Variants in CAPN7 observed in about 807,000 individuals in gnomAD.
The protein encoded by CAPN7 is calpain 7.
CAPN7 carries 72 observed loss-of-function variants against 115.2 expected under a neutral mutation model. The observed-to-expected ratio is 0.63, with a 90% CI of 0.52 to 0.76. CAPN7 has a LOEUF of 0.76. CAPN7 is among the 30% of genes least tolerant of loss of function. CAPN7 has a pLI of 0.00. For synonymous variants in CAPN7, 344 were observed against 322.3 expected (o/e 1.07, Z -0.72); for missense variants, 905 against 971.5 (o/e 0.93, Z 0.91).
chr3:15,210,262 T>TA (rs1222396512), intron 1 of CAPN7, among the ~76,000 whole-genome samples: 8 of 151,486 alleles, frequency 5.3e-5, no homozygotes, highest in East Asian at 1.9e-4. Context: ...GACTCCTAAG[T>TA]AAAAAAAATA....
intron 6 of CAPN7, among the ~76,000 whole-genome samples, chr3:15,225,900 A>G (rs1694284260): frequency 1.3e-5 from 2 of 152,144 alleles, no homozygotes. Context: ...CAATCAGAAG[A>G]AAAAGCAACA....
chr3:15,246,874 GT>G, intron 18 of CAPN7, 80 bp downstream of exon 18: 1 of 1,136,282 alleles, frequency 8.8e-7, no homozygotes, highest in Non-Finnish European at 1.3e-6. Flanking sequence ...TCATTTTATT[GT>G]TTATATTTAG....
chr3:15,241,565 C>G lies in CAPN7; in HGVS notation c.1765C>G (p.Leu589Val). The stretch of plus-strand genomic sequence containing the variant: ...GGGGGGTGCTGCAGTTTGGGTTTTG[C>G]TTAGTAGACACATAACAGACAAGGT... The part of the protein sequence containing the change: ...PQGGAAVWVL[L>V]SRHITDKDDF... Residue 589 changes from leucine to valine, a missense_variant, in exon 15 of 21, where the codon CTT becomes GTT. Leu to Val is a conservative substitution (Grantham distance 32). This residue lies in a region of CAPN7 where 620 missense variants were observed against 703.4 expected (regional missense o/e 0.88). Transcript: ENST00000253693. 2 of 1,613,998 alleles carry G rather than the reference C, an allele frequency of 1.2e-6. No homozygotes were observed. The highest frequency in any genetic ancestry group is 1.7e-6 in the Non-Finnish European group (2 of 1,179,964).
intron 19 of CAPN7, 121 bp from the exon 20 acceptor site, chr3:15,250,810 G>T: frequency 1.5e-6 from 1 of 687,812 alleles, no homozygotes; most frequent in Non-Finnish European, 2.5e-6. Context: ...GAGTGTGTAT[G>T]TTTCTACTGA....
In CAPN7 at chr3:15,246,721, T is replaced by A. The variant is rs1695686170; in HGVS notation, c.2011-11T>A. On this transcript the variant is annotated splice_polypyrimidine_tract_variant and intron_variant, in intron 17 of 20. Coordinates refer to ENST00000253693, the MANE Select transcript of CAPN7 (RefSeq NM_014296.3). ...GTAAAATTTATCAATACAGTCTTTTTTTAAATCTAGGTATATTCAGCATGC... is the reference window on the plus strand; with the variant it reads ...GTAAAATTTATCAATACAGTCTTTTATTAAATCTAGGTATATTCAGCATGC... 1 of 1,574,426 alleles carries A rather than the reference T, an allele frequency of 6.4e-7. No homozygotes were observed. Among genetic ancestry groups the A allele is most frequent in the Non-Finnish European group, 8.7e-7 (1 of 1,145,904 alleles).
intron 12 of CAPN7, among the ~76,000 whole-genome samples, chr3:15,236,446 A>G (rs1559404609): frequency 2.0e-5 from 3 of 152,376 alleles, no homozygotes; most frequent in South Asian, 4.1e-4. Flanking sequence ...AGGACCCTTG[A>G]TAACAGAACG....
intron 16 of CAPN7, among the ~76,000 whole-genome samples, 183 bp from the exon 17 acceptor site, chr3:15,245,339 TTTTG>T (rs1430349047): frequency 6.6e-6 from 1 of 151,964 alleles, no homozygotes; most frequent in Non-Finnish European, 1.5e-5. Context: ...AAAAGATTAT[TTTTG>T]TTTATTAGGA....
chr3:15,250,686 A>G (rs1695954742), intron 19 of CAPN7, among the ~76,000 whole-genome samples: 1 of 152,118 alleles, frequency 6.6e-6, no homozygotes, highest in Non-Finnish European at 1.5e-5. Context: ...AAAATAAAAT[A>G]TTTCCCGGGG....
At chr3:15,245,752 G>T in intron 17 of CAPN7, 81 bp downstream of exon 17, 1 of 1,162,786 alleles carries the variant, frequency 8.6e-7, no homozygotes, top group African/African-American at 1.6e-5. Flanking sequence ...GGTATTATCT[G>T]GAGAAAAAGT....
chr3:15,214,071 A>G (rs762744124), intron 2 of CAPN7, among the ~76,000 whole-genome samples: 47 of 152,002 alleles, frequency 3.1e-4, no homozygotes, highest in Non-Finnish European at 4.7e-4. Flanking sequence ...TAGTAGAGAC[A>G]GGATTTCACC....
Position 15,246,720 on chromosome 3 carries a change from T to C in CAPN7, c.2011-12T>C, listed in dbSNP as rs1695685979. The C allele has an allele frequency of 1.9e-6, 3 of 1,571,748 alleles. No individual in the cohort carries two copies. The highest frequency in any genetic ancestry group is 2.6e-6 in the Non-Finnish European group (3 of 1,143,564). The stretch of plus-strand genomic sequence containing the variant: ...TGTAAAATTTATCAATACAGTCTTT[T>C]TTTAAATCTAGGTATATTCAGCATG... On this transcript the variant is annotated splice_polypyrimidine_tract_variant and intron_variant, in intron 17 of 20. Coordinates refer to ENST00000253693, the MANE Select transcript of CAPN7 (RefSeq NM_014296.3).
In CAPN7 at chr3:15,235,066, T is replaced by G. The variant is rs1266835867; in HGVS notation, c.1328T>G (p.Met443Arg). 6.2e-7 allele frequency: 1 copy of G among 1,613,528 alleles called. No individual in the cohort carries two copies. Residue 443 changes from methionine (M) to arginine (R), a missense_variant, in exon 12 of 21, where the codon ATG (methionine) becomes AGG (arginine). Around this residue, in one of 3 missense-constraint regions of CAPN7, gnomAD observed 620 missense variants for 703.4 expected, o/e 0.88. Coordinates refer to ENST00000253693, the MANE Select transcript of CAPN7 (RefSeq NM_014296.3). ...GTCCTCATCACTGCGTCAACTGGAA[T>G]GATGACAGAAGCTGAAGGAGAGAAG... Reference protein sequence around the residue: ...GDVLITASTGMMTEAEGEKWG... With the variant: ...GDVLITASTGRMTEAEGEKWG...
chr3:15,212,287 C>T, intron 2 of CAPN7, 75 bp downstream of exon 2: 1 of 763,696 alleles, frequency 1.3e-6, no homozygotes, highest in South Asian at 2.0e-5. Context: ...ATGTTTGTTT[C>T]TCTTCTTCAT....
intron 18 of CAPN7, 121 bp from the exon 19 acceptor site, chr3:15,247,206 G>T: frequency 1.4e-6 from 1 of 691,656 alleles, no homozygotes; most frequent in Non-Finnish European, 2.3e-6. Flanking sequence ...ATGGGAGAGA[G>T]GGGTTGGAGA....
At chr3:15,211,699 A>T (rs1239609565) in intron 1 of CAPN7, among the ~76,000 whole-genome samples, 3 of 152,158 alleles carry the variant, frequency 2.0e-5, no homozygotes, top group African/African-American at 7.2e-5. Flanking sequence ...GTTCAAGACC[A>T]GCCTGGCCAA....
chr3:15,238,153 G>A (rs1481704498), intron 12 of CAPN7, among the ~76,000 whole-genome samples: 4 of 108,396 alleles, frequency 3.7e-5, no homozygotes, highest in South Asian at 6.5e-4. Flanking sequence ...TCACTGTGTC[G>A]CCCAGGCTGG....
At chr3:15,219,425 C>T (rs1158762859) in intron 4 of CAPN7, among the ~76,000 whole-genome samples, 4 of 152,162 alleles carry the variant, frequency 2.6e-5, no homozygotes, top group East Asian at 3.9e-4. Flanking sequence ...ATAGTCATCC[C>T]TCCTTTTCAT....
Position 15,229,145 on chromosome 3 carries a change from T to C in CAPN7, c.938+86T>C, listed in dbSNP as rs564430855. 773 of 901,596 alleles carry C rather than the reference T, an allele frequency of 8.6e-4. 5 individuals are homozygous for C. In the African/African-American group the frequency reaches 0.012, roughly 14 times the overall value. 55.8% of individuals were successfully genotyped at this position (901,596 alleles called of 1,614,324 possible). A position where few individuals can be genotyped will look rare whatever the true frequency, so the allele number is the denominator to read the frequency against. The stretch of plus-strand genomic sequence containing the variant: ...ACTTAAGCCTTATCTGTATAGAAAG[T>C]GGAGAGGGCATATCATTCAGAATAT... On this transcript the variant is annotated intron_variant, in intron 8 of 20. Coordinates refer to ENST00000253693, the MANE Select transcript of CAPN7 (RefSeq NM_014296.3).
chr3:15,248,423 T>C (rs1695799828), intron 19 of CAPN7, among the ~76,000 whole-genome samples: 1 of 152,220 alleles, frequency 6.6e-6, no homozygotes, highest in Non-Finnish European at 1.5e-5. Flanking sequence ...TGATTCTACT[T>C]CTGTGAAGTC....
Sources: gnomAD v4.1 joint callset for allele counts (sites outside exome capture counted in the v4.1 genomes callset) on GRCh38, gnomAD v4.1.1 for gene constraint, gnomAD v4.1.1 regional missense constraint, MANE v1.5 for transcripts, NCBI Gene and HGNC (gene_info 2026-07-23, HGNC 2026-07-21) for gene names.